The following ADAMTS9 variants were observed in gnomAD, a reference collection of about 807,000 sequenced individuals.
The protein encoded by ADAMTS9 is ADAM metallopeptidase with thrombospondin type 1 motif 9, also known as A disintegrin and metalloproteinase with thrombospondin motifs 9.
Under a neutral mutation model 257.1 loss-of-function variants are expected in ADAMTS9, and 107 were observed. That is an observed-to-expected ratio of 0.42 (90% confidence interval 0.36 to 0.49). The LOEUF (loss-of-function observed/expected upper bound fraction) is 0.49, where lower values mean the gene tolerates loss of function less well. Among genes scored for constraint, ADAMTS9 ranks in the 20% least tolerant of loss-of-function variants. The probability of loss-of-function intolerance (pLI) is 0.03; values close to 1 mark genes in which losing one functional copy is unlikely to be tolerated. For missense variants in ADAMTS9, 2,353 were observed against 2,469.1 expected, an observed-to-expected ratio of 0.95 and a Z score of 1.00; for synonymous variants, 982 against 880.9, an observed-to-expected ratio of 1.11 and a Z score of -2.03.
intron 29 of ADAMTS9, among the ~76,000 whole-genome samples, chr3:64,562,155 A>G (rs1271359145): frequency 6.6e-6 from 1 of 152,226 alleles, no homozygotes; most frequent in Non-Finnish European, 1.5e-5. Context: ...GTTGTACAAG[A>G]AGAATTTCTT....
intron 38 of ADAMTS9, among the ~76,000 whole-genome samples, chr3:64,530,581 T>A (rs1461962920): frequency 1.4e-5 from 2 of 147,782 alleles, no homozygotes; most frequent in Non-Finnish European, 3.0e-5. Context: ...CCCAGCTCCC[T>A]CCAGCCCAGG....
intron 3 of ADAMTS9, among the ~76,000 whole-genome samples, chr3:64,667,391 A>C (rs980854855): frequency 6.6e-6 from 1 of 152,202 alleles, no homozygotes; most frequent in Non-Finnish European, 1.5e-5. Flanking sequence ...CCAAGTTAAG[A>C]GGCAAGTGAT....
In ADAMTS9 at chr3:64,603,831, A is replaced by G. The variant is rs1435013834; in HGVS notation, c.3747+91T>C. On this transcript the variant is annotated intron_variant, in intron 25 of 39. Transcript: ENST00000498707. The stretch of plus-strand genomic sequence containing the variant: ...TCCAGCTCTGAAATATTACCCATTG[A>G]CATTTCCAAGTGGCGCCCCCCTCCG... 1.2e-5 allele frequency: 16 copies of G among 1,367,616 alleles called. No individual in the cohort carries two copies. The African/African-American group carries it at 1.6e-4, about 14-fold the overall frequency. 84.7% of individuals were successfully genotyped at this position (1,367,616 alleles called of 1,614,324 possible). A position where few individuals can be genotyped will look rare whatever the true frequency, so the allele number is the denominator to read the frequency against.
At chr3:64,668,441 T>A (rs996540952) in intron 3 of ADAMTS9, among the ~76,000 whole-genome samples, 8 of 151,848 alleles carry the variant, frequency 5.3e-5, no homozygotes, top group African/African-American at 1.7e-4. Context: ...GAGATAAGAG[T>A]GTGAGCTCGG....
At chr3:64,638,956 AG>A (rs2106913170) in intron 12 of ADAMTS9, among the ~76,000 whole-genome samples, 1 of 152,284 alleles carries the variant, frequency 6.6e-6, no homozygotes, top group Admixed American at 6.5e-5. Context: ...TTATATTGTA[AG>A]GGCTCGTCGA....
chr3:64,555,276 T>A (rs1280025316), intron 30 of ADAMTS9, among the ~76,000 whole-genome samples: 1 of 152,140 alleles, frequency 6.6e-6, no homozygotes, highest in African/African-American at 2.4e-5. Context: ...TATACAGAAT[T>A]TAGACATTTT....
chr3:64,641,775 A>C, intron 12 of ADAMTS9, 73 bp downstream of exon 12: 1 of 1,579,894 alleles, frequency 6.3e-7, no homozygotes, highest in South Asian at 1.1e-5. Context: ...CTCTTCACCC[A>C]CCAAATTATT....
chr3:64,580,482 T>C (rs1172827552), intron 28 of ADAMTS9, among the ~76,000 whole-genome samples: 5 of 152,124 alleles, frequency 3.3e-5, no homozygotes, highest in African/African-American at 1.2e-4. Context: ...TACCCAAATA[T>C]GAGGATCAGG....
At chr3:64,546,150 A>G (rs1490334408) in intron 32 of ADAMTS9, among the ~76,000 whole-genome samples, 3 of 152,164 alleles carry the variant, frequency 2.0e-5, no homozygotes, top group South Asian at 4.1e-4. Flanking sequence ...TATATATAAA[A>G]CATTTGCCAT....
rs1576137685 is a variant in ADAMTS9 at position 64,630,605 on chromosome 3, A to G, written c.2389+850T>C. On this transcript the variant is annotated intron_variant, in intron 16 of 39. Transcript: ENST00000498707. ...AATACAGGGAAGGGAACAACACACA[A>G]TGGGGCTTGTGGGATGCAGGATGTG... Among the ~76,000 whole-genome samples the G allele has an allele frequency of 2.6e-5, 4 of 152,026 alleles. No individual in the cohort carries two copies. In the South Asian group the frequency reaches 6.2e-4, roughly 24 times the overall value.
chr3:64,633,556 G>A lies in ADAMTS9; in HGVS notation c.2091C>T (p.Ala697=). 6.2e-7 allele frequency: 1 copy of A among 1,614,088 alleles called. No homozygotes were observed. Among genetic ancestry groups the A allele is most frequent in the African/African-American group, 1.3e-5 (1 of 75,028 alleles). The part of the protein sequence containing the change: ...KLFCRVAGNT[A]YYQLRDRVID... Reference sequence around the variant, plus strand: ...TCACTCTGTCTCGAAGCTGATAGTAGGCTGTGTTCCCTGCCACTCTGCAGA... The same window carrying A: ...TCACTCTGTCTCGAAGCTGATAGTAAGCTGTGTTCCCTGCCACTCTGCAGA... Residue 697 remains alanine, a synonymous_variant, in exon 14 of 40, where the codon GCC becomes GCT. Transcript: ENST00000498707.
chr3:64,650,786 T>C (rs2106945986), intron 9 of ADAMTS9: 1 of 454,744 alleles, frequency 2.2e-6, no homozygotes, highest in East Asian at 4.2e-5. Context: ...ACATCCTCTT[T>C]AAGACTCCAA....
chr3:64,586,820 C>T (rs1050779393), intron 28 of ADAMTS9: 3 of 152,008 alleles, frequency 2.0e-5, no homozygotes, highest in Admixed American at 1.3e-4. Flanking sequence ...GAAACAGAGC[C>T]CTGCAAAGCT....
At chr3:64,541,003 G>A (rs2083113490) in intron 36 of ADAMTS9, 92 bp downstream of exon 36, 68 of 1,523,186 alleles carry the variant, frequency 4.5e-5, no homozygotes, top group Non-Finnish European at 5.6e-5. Context: ...TGTGCAATAC[G>A]CACCTCCCTG....
intron 8 of ADAMTS9, 58 bp downstream of exon 8, chr3:64,654,295 A>G (rs1701003009): frequency 6.6e-7 from 1 of 1,505,952 alleles, no homozygotes; most frequent in South Asian, 1.2e-5. Context: ...CACTGATGCG[A>G]AGGAATAAAA....
intron 19 of ADAMTS9, 108 bp from the exon 20 acceptor site, chr3:64,616,278 T>G: frequency 3.4e-6 from 4 of 1,189,734 alleles, no homozygotes; most frequent in Non-Finnish European, 3.6e-6. Flanking sequence ...CTTTCTTAAC[T>G]CGAATACCAT....
intron 39 of ADAMTS9, among the ~76,000 whole-genome samples, chr3:64,518,041 G>A (rs148794857): frequency 2.0e-5 from 3 of 152,224 alleles, no homozygotes; most frequent in Non-Finnish European, 4.4e-5. Flanking sequence ...CAGAATGCAT[G>A]CTAGGAGATG....
intron 21 of ADAMTS9, 85 bp downstream of exon 21, chr3:64,615,235 AC>A: frequency 6.8e-7 from 1 of 1,463,088 alleles, no homozygotes; most frequent in South Asian, 1.3e-5. Flanking sequence ...AGAAAGGTGC[AC>A]AAGGGTTTGT....
chr3:64,624,312 AAAG>A (rs1700177465), intron 16 of ADAMTS9, among the ~76,000 whole-genome samples: 4 of 152,088 alleles, frequency 2.6e-5, no homozygotes, highest in African/African-American at 9.6e-5. Flanking sequence ...GGAGGGAAGA[AAAG>A]AAAAAAGAAA....
Sources: gnomAD v4.1 joint callset for allele counts (sites outside exome capture counted in the v4.1 genomes callset) on GRCh38, gnomAD v4.1.1 for gene constraint, MANE v1.5 for transcripts, NCBI Gene and HGNC (gene_info 2026-07-23, HGNC 2026-07-21) for gene names.